The following SLC2A9 variants were observed in gnomAD, a reference collection of about 807,000 sequenced individuals.
SLC2A9 encodes solute carrier family 2, facilitated glucose transporter member 9.
Under a neutral mutation model 50.6 loss-of-function variants are expected in SLC2A9, and 39 were observed. The ratio of observed to expected loss-of-function variants is 0.77; its 90% CI spans 0.60 to 1.01. SLC2A9 has a LOEUF of 1.01. SLC2A9 is among the 50% of genes least tolerant of loss of function. The pLI, the probability that SLC2A9 is intolerant of heterozygous loss-of-function variation, is 0.00. For missense variants in SLC2A9, 686 were observed against 677.6 expected, an observed-to-expected ratio of 1.01 and a Z score of -0.14; for synonymous variants, 324 against 276.9, an observed-to-expected ratio of 1.17 and a Z score of -1.69.
intron 1 of SLC2A9, 91 bp downstream of exon 1, chr4:10,021,189 C>A: frequency 2.9e-6 from 4 of 1,369,850 alleles, no homozygotes; most frequent in Non-Finnish European, 4.2e-6. Flanking sequence ...TACACGCTGC[C>A]AGGCTGGGGC....
At chr4:9,951,180 T>C (rs1178666362) in intron 5 of SLC2A9, among the ~76,000 whole-genome samples, 1 of 152,192 alleles carries the variant, frequency 6.6e-6, no homozygotes, top group Non-Finnish European at 1.5e-5. Context: ...AATCATGTCA[T>C]TTACAGCAAC....
At chr4:9,879,626 GACCTTAATTCGC>G in intron 10 of SLC2A9, 1 of 985,332 alleles carries the variant, frequency 1.0e-6, no homozygotes, top group Non-Finnish European at 1.2e-6. Flanking sequence ...GGGGTGCTCA[GACCTTAATTCGC>G]ACCTTGATAA....
chr4:9,899,709 T>C (rs1739240171), intron 8 of SLC2A9, among the ~76,000 whole-genome samples: 1 of 152,218 alleles, frequency 6.6e-6, no homozygotes, highest in African/African-American at 2.4e-5. Context: ...GAGAGTTGTG[T>C]TTTAAATAAT....
chr4:10,003,513 A>G (rs1049937183), intron 2 of SLC2A9, among the ~76,000 whole-genome samples: 1 of 152,226 alleles, frequency 6.6e-6, no homozygotes, highest in Non-Finnish European at 1.5e-5. Context: ...GACTTGCTGC[A>G]TAGCCTAGGC....
intron 6 of SLC2A9, among the ~76,000 whole-genome samples, chr4:9,925,373 T>A (rs920346914): frequency 2.0e-5 from 3 of 152,180 alleles, no homozygotes; most frequent in Non-Finnish European, 4.4e-5. Context: ...GGGCGTTCTG[T>A]CTGCACACCT....
At chr4:9,911,056 G>A (rs940975347) in intron 7 of SLC2A9, among the ~76,000 whole-genome samples, 2 of 151,998 alleles carry the variant, frequency 1.3e-5, no homozygotes, top group Admixed American at 1.3e-4. Context: ...GCAGATGACA[G>A]GTTGATGGGT....
At chr4:9,788,872 A>G (rs1314536377) in intron 3 of SLC2A9, among the ~76,000 whole-genome samples, 1 of 152,198 alleles carries the variant, frequency 6.6e-6, no homozygotes, top group Non-Finnish European at 1.5e-5. Context: ...CAAGCCTTGG[A>G]ATCAGCCATT....
intron 2 of SLC2A9, among the ~76,000 whole-genome samples, chr4:9,998,300 G>T (rs1350085654): frequency 6.6e-6 from 1 of 151,718 alleles, no homozygotes; most frequent in Admixed American, 6.5e-5. Context: ...AAAAGCTTAG[G>T]TTCAGGTCGC....
intron 3 of SLC2A9, among the ~76,000 whole-genome samples, chr4:9,805,441 G>A (rs566131699): frequency 6.6e-6 from 1 of 152,352 alleles, no homozygotes; most frequent in East Asian, 1.9e-4. Context: ...GCTCATGCCT[G>A]TAATCCCAGC....
intron 8 of SLC2A9, among the ~76,000 whole-genome samples, chr4:9,907,676 C>T (rs1426153869): frequency 1.3e-5 from 2 of 152,164 alleles, no homozygotes. Flanking sequence ...GACAATATGG[C>T]CCTGTTTCAC....
At position 10,018,985 on chromosome 4, in the gene SLC2A9, G is replaced by T. The variant is rs1400593197; in HGVS notation, c.239C>A (p.Ala80Asp). ...LYGYNLSVVN[A>D]PTPYIKAFYN... is the part of the protein sequence containing the mutation. ...TTGGCGCGCACTCACCGGGGTGGGG[G>T]CATTCACCACCGACAGGTTGTAGCC... The change falls in exon 2 of 12, where the codon GCC becomes GAC. Residue 80 changes from alanine (A) to aspartate (D), a missense_variant. By Grantham distance (126) the Ala-to-Asp change is moderately radical. Coordinates refer to ENST00000264784, the MANE Select transcript of SLC2A9 (RefSeq NM_020041.3). 4 of 1,549,840 alleles carry T rather than the reference G, an allele frequency of 2.6e-6. No homozygotes were observed. Among genetic ancestry groups the T allele is most frequent in the South Asian group, 2.4e-5 (2 of 83,996 alleles).
intron 3 of SLC2A9, among the ~76,000 whole-genome samples, chr4:9,787,060 C>T (rs572269007): frequency 5.9e-5 from 9 of 152,322 alleles, no homozygotes; most frequent in Middle Eastern, 3.4e-3. Flanking sequence ...AAGTTTGGCT[C>T]CACCATTTAT....
chr4:9,961,793 A>C (rs989039208), intron 5 of SLC2A9, among the ~76,000 whole-genome samples: 1 of 152,234 alleles, frequency 6.6e-6, no homozygotes, highest in African/African-American at 2.4e-5. Flanking sequence ...AATGGAAGAA[A>C]ATTTTTACAA....
At chr4:9,821,797 G>A (rs1433518628), downstream of SLC2A9, among the ~76,000 whole-genome samples, 2 of 152,152 alleles carry the variant, frequency 1.3e-5, no homozygotes, top group Non-Finnish European at 2.9e-5. Context: ...AATTTTCTGG[G>A]ATAAATTGTG....
intron 8 of SLC2A9, among the ~76,000 whole-genome samples, chr4:9,890,947 T>A (rs1737293170): frequency 6.6e-6 from 1 of 152,024 alleles, no homozygotes; most frequent in Non-Finnish European, 1.5e-5. Flanking sequence ...TAACGAGCAC[T>A]CTCCTCCGAA....
chr4:9,781,206 G>A (rs1718309180), intron 3 of SLC2A9, among the ~76,000 whole-genome samples: 1 of 152,186 alleles, frequency 6.6e-6, no homozygotes, highest in African/African-American at 2.4e-5. Flanking sequence ...TGTGGAGAAG[G>A]AAACCAAGGC....
chr4:9,818,731 G>T (rs1723978426), intron 3 of SLC2A9, among the ~76,000 whole-genome samples: 1 of 152,200 alleles, frequency 6.6e-6, no homozygotes, highest in African/African-American at 2.4e-5. Context: ...TCTTTGTCCT[G>T]GGAATTGCTT....
chr4:9,784,498 G>T (rs1192511306), intron 3 of SLC2A9, among the ~76,000 whole-genome samples: 1 of 152,162 alleles, frequency 6.6e-6, no homozygotes, highest in African/African-American at 2.4e-5. Flanking sequence ...CTTTAAAAAA[G>T]AAACTCTATT....
chr4:9,862,127 A>G (rs1318621415), intron 10 of SLC2A9, among the ~76,000 whole-genome samples: 1 of 150,574 alleles, frequency 6.6e-6, no homozygotes, highest in Non-Finnish European at 1.5e-5. Flanking sequence ...TTTGCCTAAA[A>G]GCAGGACATA....
Sources: allele counts gnomAD v4.1 joint callset (sites outside exome capture counted in the v4.1 genomes callset), GRCh38; gene constraint gnomAD v4.1.1; transcripts MANE v1.5; gene names NCBI Gene and HGNC (gene_info 2026-07-23, HGNC 2026-07-21).